Variants in PPP3CA observed in about 807,000 individuals in gnomAD.
PPP3CA encodes the protein CAM-PRP catalytic subunit.
A neutral mutation model predicts 66.5 loss-of-function variants in PPP3CA; 14 were observed. The observed-to-expected ratio is 0.21, with a 90% CI of 0.14 to 0.33. PPP3CA has a LOEUF of 0.33. Among genes scored for constraint, PPP3CA ranks in the 10% least tolerant of loss-of-function variants. PPP3CA has a pLI of 1.00. For missense variants in PPP3CA, 317 were observed against 639.5 expected, an observed-to-expected ratio of 0.50 and a Z score of 5.44; for synonymous variants, 232 against 226.2, an observed-to-expected ratio of 1.03 and a Z score of -0.23.
intron 2 of PPP3CA, among the ~76,000 whole-genome samples, chr4:101,132,358 C>T (rs1480624783): frequency 6.6e-6 from 1 of 151,800 alleles, no homozygotes; most frequent in East Asian, 1.9e-4. Context: ...ACTAGACAGA[C>T]TAATAAAAAA....
At chr4:101,142,409 A>G (rs1451540587) in intron 2 of PPP3CA, among the ~76,000 whole-genome samples, 1 of 152,224 alleles carries the variant, frequency 6.6e-6, no homozygotes, top group Non-Finnish European at 1.5e-5. Flanking sequence ...GAGGAAAGCT[A>G]AATACAGCCC....
At chr4:101,229,241 T>TACA (rs1725881584) in intron 1 of PPP3CA, among the ~76,000 whole-genome samples, 1 of 150,596 alleles carries the variant, frequency 6.6e-6, no homozygotes, top group African/African-American at 2.4e-5. Flanking sequence ...TATTTTACAC[T>TACA]CACACACACA....
chr4:101,341,548 T>C (rs929252786), intron 1 of PPP3CA, among the ~76,000 whole-genome samples: 12 of 152,322 alleles, frequency 7.9e-5, no homozygotes, highest in African/African-American at 2.9e-4. Context: ...AATTCTGTGT[T>C]AGCAGTGACT....
intron 1 of PPP3CA, among the ~76,000 whole-genome samples, chr4:101,298,000 C>T (rs1728248947): frequency 6.6e-6 from 1 of 152,046 alleles, no homozygotes; most frequent in African/African-American, 2.4e-5. Context: ...CTTAAACTGA[C>T]TCCTCATATT....
intron 1 of PPP3CA, among the ~76,000 whole-genome samples, chr4:101,325,691 T>A (rs1410784078): frequency 6.6e-6 from 1 of 152,182 alleles, no homozygotes; most frequent in Non-Finnish European, 1.5e-5. Context: ...TCAATGCAGA[T>A]ATATAACTTA....
intron 1 of PPP3CA, among the ~76,000 whole-genome samples, chr4:101,236,488 T>C (rs1311933180): frequency 6.6e-6 from 1 of 151,926 alleles, no homozygotes; most frequent in African/African-American, 2.4e-5. Flanking sequence ...TGGGAAGCCA[T>C]GAAAGGATGT....
At chr4:101,265,689 C>T (rs1300584835) in intron 1 of PPP3CA, among the ~76,000 whole-genome samples, 2 of 152,078 alleles carry the variant, frequency 1.3e-5, no homozygotes, top group South Asian at 4.1e-4. Flanking sequence ...ATTCCAAAGT[C>T]AAATGATAAC....
At chr4:101,106,765 G>C (rs1730774384) in intron 3 of PPP3CA, among the ~76,000 whole-genome samples, 1 of 152,110 alleles carries the variant, frequency 6.6e-6, no homozygotes, top group Admixed American at 6.5e-5. Flanking sequence ...ATATTATGTG[G>C]AGAAATGATG....
chr4:101,171,365 A>AG, intron 2 of PPP3CA: 1 of 352,000 alleles, frequency 2.8e-6, no homozygotes, highest in Non-Finnish European at 5.5e-6. Flanking sequence ...AAAAAAAAAA[A>AG]CCCTTCAAAG....
chr4:101,209,548 G>A (rs549655722), intron 1 of PPP3CA, among the ~76,000 whole-genome samples: 63 of 152,154 alleles, frequency 4.1e-4, no homozygotes, highest in African/African-American at 1.5e-3. Flanking sequence ...TCAGAATCAC[G>A]ACAAGAAGCC....
At chr4:101,169,872 C>G (rs1261388476) in intron 2 of PPP3CA, among the ~76,000 whole-genome samples, 1 of 151,968 alleles carries the variant, frequency 6.6e-6, no homozygotes, top group African/African-American at 2.4e-5. Flanking sequence ...GATTTTTATC[C>G]TCTTAAATTT....
At chr4:101,068,019 C>T (rs1319419806) in intron 8 of PPP3CA, among the ~76,000 whole-genome samples, 1 of 152,044 alleles carries the variant, frequency 6.6e-6, no homozygotes, top group Non-Finnish European at 1.5e-5. Flanking sequence ...ATTCTTCACA[C>T]CACTAGTCCT....
intron 6 of PPP3CA, among the ~76,000 whole-genome samples, chr4:101,088,769 G>C (rs1729785079): frequency 6.6e-6 from 1 of 152,028 alleles, no homozygotes; most frequent in Non-Finnish European, 1.5e-5. Flanking sequence ...TGGAAGCAGA[G>C]AGCTCAGGTG....
intron 1 of PPP3CA, among the ~76,000 whole-genome samples, chr4:101,324,161 G>GAAGC (rs1729134096): frequency 1.2e-5 from 1 of 80,820 alleles, no homozygotes; most frequent in Non-Finnish European, 2.8e-5. Context: ...AGGGAGGAAG[G>GAAGC]AAGGAAGGAA....
intron 1 of PPP3CA, among the ~76,000 whole-genome samples, chr4:101,232,035 A>G (rs571808716): frequency 2.0e-5 from 3 of 151,780 alleles, no homozygotes; most frequent in East Asian, 3.9e-4. Flanking sequence ...CCCCAAGATC[A>G]AGACCATCAT....
intron 11 of PPP3CA, among the ~76,000 whole-genome samples, chr4:101,035,458 T>C (rs140508874): frequency 7.2e-5 from 11 of 152,286 alleles, no homozygotes; most frequent in African/African-American, 2.6e-4. Context: ...TAGGAAGATC[T>C]TTTTGGGAAA....
chr4:101,206,755 A>T (rs904287428), intron 1 of PPP3CA, among the ~76,000 whole-genome samples: 2 of 152,224 alleles, frequency 1.3e-5, no homozygotes, highest in African/African-American at 4.8e-5. Flanking sequence ...TCTCACTCAC[A>T]ATTTATTTAA....
chr4:101,093,658 G>T, intron 6 of PPP3CA, 118 bp downstream of exon 6: 1 of 1,025,202 alleles, frequency 9.8e-7, no homozygotes, highest in Non-Finnish European at 1.3e-6. Flanking sequence ...ATGCTAGTGA[G>T]CCTTTCATTT....
At chr4:101,145,931 T>A (rs1412036195) in intron 2 of PPP3CA, among the ~76,000 whole-genome samples, 1 of 152,148 alleles carries the variant, frequency 6.6e-6, no homozygotes, top group Non-Finnish European at 1.5e-5. Context: ...CATAAAAATA[T>A]TATGTTAAAA....
Sources: allele counts gnomAD v4.1 joint callset (sites outside exome capture counted in the v4.1 genomes callset), GRCh38; gene constraint gnomAD v4.1.1; transcripts MANE v1.5; gene names NCBI Gene and HGNC (gene_info 2026-07-23, HGNC 2026-07-21).